The following KCNK10 variants were observed in gnomAD, a reference collection of about 807,000 sequenced individuals.
KCNK10 encodes the protein potassium two pore domain channel subfamily K member 10.
KCNK10 carries 25 observed loss-of-function variants against 47.7 expected under a neutral mutation model. The ratio of observed to expected loss-of-function variants is 0.52; its 90% CI spans 0.38 to 0.73. The LOEUF is 0.73. KCNK10 is among the 30% of genes least tolerant of loss of function. The probability of loss-of-function intolerance (pLI) is 0.00; values close to 1 mark genes in which losing one functional copy is unlikely to be tolerated. For synonymous variants in KCNK10, 303 were observed against 285.6 expected (o/e 1.06, Z -0.61); for missense variants, 563 against 714.5 (o/e 0.79, Z 2.42).
intron 1 of KCNK10, among the ~76,000 whole-genome samples, chr14:88,317,380 C>A (rs943614132): frequency 6.6e-6 from 1 of 152,212 alleles, no homozygotes; most frequent in African/African-American, 2.4e-5. Context: ...GAAGGAAGAT[C>A]TAAGGGTCTT....
chr14:88,277,263 CA>C (rs1036408887), intron 1 of KCNK10, among the ~76,000 whole-genome samples: 8 of 149,848 alleles, frequency 5.3e-5, no homozygotes, highest in South Asian at 2.1e-4. Context: ...CCTACTAAGT[CA>C]AAAAAAAATA....
intron 4 of KCNK10, among the ~76,000 whole-genome samples, chr14:88,226,341 A>C (rs1347869062): frequency 3.3e-5 from 5 of 152,210 alleles, no homozygotes; most frequent in Non-Finnish European, 7.3e-5. Flanking sequence ...TCTAAAGAGA[A>C]GTATGAGCCA....
At chr14:88,202,489 A>G (rs1178092068) in intron 4 of KCNK10, among the ~76,000 whole-genome samples, 1 of 152,218 alleles carries the variant, frequency 6.6e-6, no homozygotes, top group East Asian at 1.9e-4. Context: ...CCATAAAGAC[A>G]TAATTCAGAC....
At chr14:88,229,526 T>C (rs1157603906) in intron 3 of KCNK10, among the ~76,000 whole-genome samples, 1 of 152,206 alleles carries the variant, frequency 6.6e-6, no homozygotes, top group African/African-American at 2.4e-5. Flanking sequence ...GTTCAGTGTT[T>C]TGTTGACTAG....
chr14:88,247,836 T>C (rs1446610295), intron 2 of KCNK10, among the ~76,000 whole-genome samples: 1 of 152,210 alleles, frequency 6.6e-6, no homozygotes, highest in African/African-American at 2.4e-5. Context: ...CAGGCCATAT[T>C]TGGGGGCACT....
At chr14:88,266,397 T>C (rs570728387) in intron 1 of KCNK10, among the ~76,000 whole-genome samples, 1 of 152,310 alleles carries the variant, frequency 6.6e-6, no homozygotes, top group Non-Finnish European at 1.5e-5. Flanking sequence ...ACTCCCATCC[T>C]CTTTAGTCTC....
chr14:88,189,643 A>G (rs971892162), intron 5 of KCNK10, among the ~76,000 whole-genome samples: 44 of 152,138 alleles, frequency 2.9e-4, no homozygotes, highest in Non-Finnish European at 1.2e-4. Context: ...CAGAGTTGCG[A>G]AATATTGTAA....
chr14:88,318,489 G>A (rs1304534896), intron 1 of KCNK10, among the ~76,000 whole-genome samples: 2 of 152,216 alleles, frequency 1.3e-5, no homozygotes, highest in African/African-American at 4.8e-5. Context: ...GAAAATGATG[G>A]TGCTGGGGAA....
At chr14:88,242,474 G>A (rs1052783041) in intron 2 of KCNK10, among the ~76,000 whole-genome samples, 1 of 152,180 alleles carries the variant, frequency 6.6e-6, no homozygotes, top group East Asian at 1.9e-4. Flanking sequence ...CAATTGACTG[G>A]ATGATACAGG....
chr14:88,270,143 T>C (rs1034096232), intron 1 of KCNK10, among the ~76,000 whole-genome samples: 6 of 152,104 alleles, frequency 3.9e-5, no homozygotes, highest in Non-Finnish European at 4.4e-5. Flanking sequence ...CTGGAATCAT[T>C]CCGGGGCCAC....
chr14:88,210,977 A>G (rs1885439263), intron 4 of KCNK10, among the ~76,000 whole-genome samples: 1 of 152,204 alleles, frequency 6.6e-6, no homozygotes, highest in Non-Finnish European at 1.5e-5. Context: ...CTGTAATTAT[A>G]TGTGACTCAG....
chr14:88,241,604 C>A (rs1886472762), intron 2 of KCNK10, among the ~76,000 whole-genome samples: 1 of 152,128 alleles, frequency 6.6e-6, no homozygotes, highest in South Asian at 2.1e-4. Context: ...AACAAACTGG[C>A]CACAATGATG....
chr14:88,283,985 T>C (rs1162282040), intron 1 of KCNK10, among the ~76,000 whole-genome samples: 1 of 152,126 alleles, frequency 6.6e-6, no homozygotes, highest in Non-Finnish European at 1.5e-5. Flanking sequence ...TACAAATATA[T>C]TAAATATATA....
intron 3 of KCNK10, among the ~76,000 whole-genome samples, chr14:88,236,883 T>C (rs1269589147): frequency 1.3e-5 from 2 of 152,236 alleles, no homozygotes; most frequent in African/African-American, 2.4e-5. Context: ...TCCTTTGATG[T>C]TGATGACTAC....
chr14:88,299,394 T>G (rs1188105578), intron 1 of KCNK10, among the ~76,000 whole-genome samples: 3 of 152,220 alleles, frequency 2.0e-5, no homozygotes, highest in African/African-American at 7.2e-5. Flanking sequence ...ATTCTCTCTC[T>G]GCTTTGCTCC....
chr14:88,185,482 A>ACAC lies in KCNK10; in HGVS notation c.*52_*53insGTG. 1 of 1,421,538 alleles carries ACAC rather than the reference A, an allele frequency of 7.0e-7. No individual in the cohort carries two copies. The highest frequency in any genetic ancestry group is 2.4e-5 in the East Asian group (1 of 41,422). 88.1% of individuals were successfully genotyped at this position (1,421,538 alleles called of 1,614,324 possible). A position where few individuals can be genotyped will look rare whatever the true frequency, so the allele number is the denominator to read the frequency against. On this transcript the variant is annotated 3_prime_UTR_variant, in exon 7 of 7. Transcript: ENST00000319231. This position sits in a 1 kb window ranked among gnomAD's most constrained non-coding sequence, Gnocchi z 4.3. Reference sequence around the variant, plus strand: ...CACATGTCTCAGTGTGAATATTAAAAACACACACACACACACACACAACGC... The same window carrying ACAC: ...CACATGTCTCAGTGTGAATATTAAAACACACACACACACACACACACACAACGC...
Position 88,291,956 on chromosome 14 carries a change from T to C in KCNK10, c.53-28405A>G, listed in dbSNP as rs10151101. ...TCCACTTGAGAAAAAAAGTTCAGGGTACACTCAAGGCAGAAGCTGAGAGGC... is the reference window on the plus strand; with the variant it reads ...TCCACTTGAGAAAAAAAGTTCAGGGCACACTCAAGGCAGAAGCTGAGAGGC... On this transcript the variant is annotated intron_variant, in intron 1 of 6. Coordinates refer to ENST00000319231, the MANE Select transcript of KCNK10 (RefSeq NM_138317.3). Among the ~76,000 whole-genome samples, 1,272 of 152,080 alleles carry C rather than the reference T, an allele frequency of 8.4e-3. 16 individuals are homozygous for C. Among genetic ancestry groups the C allele is most frequent in the African/African-American group, 0.029 (1,210 of 41,470 alleles).
At chr14:88,281,727 C>CATATATATATATATATATAT (rs10541410) in intron 1 of KCNK10, among the ~76,000 whole-genome samples, 73 of 141,714 alleles carry the variant, frequency 5.2e-4, no homozygotes, top group Middle Eastern at 3.7e-3. Context: ...TCTCTCTCTC[C>CATATATATATATATATATAT]ATATATATAT....
chr14:88,254,791 A>G (rs912379985), intron 2 of KCNK10, among the ~76,000 whole-genome samples: 4 of 152,224 alleles, frequency 2.6e-5, no homozygotes, highest in African/African-American at 9.6e-5. Context: ...AACTTCAAAA[A>G]TACATTTAAT....
Sources: gnomAD v4.1 joint callset for allele counts (sites outside exome capture counted in the v4.1 genomes callset) on GRCh38, gnomAD v4.1.1 for gene constraint, Gnocchi (gnomAD v3.1) non-coding constraint, MANE v1.5 for transcripts, NCBI Gene and HGNC (gene_info 2026-07-23, HGNC 2026-07-21) for gene names.